The following DEPDC1B variants were observed in gnomAD, a reference collection of about 807,000 sequenced individuals.
DEPDC1B encodes DEP domain containing 1B.
In DEPDC1B, 51 loss-of-function variants were observed where a neutral mutation model predicts 66.5. The ratio of observed to expected loss-of-function variants is 0.77; its 90% confidence interval spans 0.61 to 0.97. The LOEUF (loss-of-function observed/expected upper bound fraction) is 0.97. Ranked by LOEUF, DEPDC1B falls within the 50% of genes least tolerant of loss-of-function variation. The pLI is 0.00. For synonymous variants in DEPDC1B, 226 were observed against 223.6 expected, an observed-to-expected ratio of 1.01 and a Z score of -0.10; for missense variants, 552 against 637.1, an observed-to-expected ratio of 0.87 and a Z score of 1.44.
chr5:60,645,692 AAGGT>A lies in DEPDC1B; in HGVS notation c.451-77_451-74del, dbSNP rs1490399185. The stretch of plus-strand genomic sequence containing the variant: ...AGACAGTGAATAAATATTTCAATAT[AAGGT>A]GGTGGGATTTTTATGAGAAATGTCT... On this transcript the variant is annotated intron_variant, in intron 3 of 10. Coordinates refer to ENST00000265036, the MANE Select transcript of DEPDC1B (RefSeq NM_018369.3). 1.8e-4 allele frequency: 255 copies of A among 1,451,858 alleles called. No homozygotes were observed. The East Asian group carries it at 6.0e-3, about 34-fold the overall frequency. 89.9% of individuals were successfully genotyped at this position (1,451,858 alleles called of 1,614,324 possible). A position where few individuals can be genotyped will look rare whatever the true frequency, so the allele number is the denominator to read the frequency against.
At chr5:60,680,685 G>C (rs543428661) in intron 2 of DEPDC1B, among the ~76,000 whole-genome samples, 2 of 152,110 alleles carry the variant, frequency 1.3e-5, no homozygotes, top group Non-Finnish European at 2.9e-5. Context: ...TGTTTCCCTT[G>C]CCTTCTTTAT....
chr5:60,692,414 A>G (rs536728492), intron 1 of DEPDC1B, among the ~76,000 whole-genome samples: 97 of 152,342 alleles, frequency 6.4e-4, no homozygotes, highest in African/African-American at 2.1e-3. Context: ...AAATCATAAC[A>G]TCATTTTGTA....
chr5:60,687,859 T>G (rs939484243), intron 1 of DEPDC1B: 1 of 193,644 alleles, frequency 5.2e-6, no homozygotes, highest in African/African-American at 2.4e-5. Flanking sequence ...GAAAAAAAAC[T>G]GTAAAGAAAA....
At position 60,667,991 on chromosome 5, in the gene DEPDC1B, TTATATATATAAAATGGATATTTTA is replaced by T. The variant is rs1561384542; in HGVS notation, c.314+18947_314+18970del. Reference sequence around the variant, plus strand: ...ATATTTTATATATATAAAATGGATATTATATATATAAAATGGATATTTTATATATATATAAAATGGATATTTTAT... The same window carrying T: ...ATATTTTATATATATAAAATGGATATTATATATATAAAATGGATATTTTAT... On this transcript the variant is annotated intron_variant, in intron 2 of 10. Transcript: ENST00000265036. Among the ~76,000 whole-genome samples the T allele has an allele frequency of 1.1e-3, 101 of 93,712 alleles. 7 individuals are homozygous for T. The highest frequency in any genetic ancestry group is 4.2e-3 in the African/African-American group (75 of 17,822). The allele number at this position is 93,712 out of a possible 152,430, so 61.5% of individuals were successfully genotyped here.
chr5:60,612,528 C>CAAAAAAAAAAAAAAAAAAAA (rs35196065), intron 7 of DEPDC1B, among the ~76,000 whole-genome samples: 1 of 90,236 alleles, frequency 1.1e-5, no homozygotes, highest in Non-Finnish European at 2.1e-5. Context: ...GAGATCTGCT[C>CAAAAAAAAAAAAAAAAAAAA]AAAAAAAAAA....
In DEPDC1B at chr5:60,687,014, T is replaced by C; in HGVS notation, c.262A>G (p.Ile88Val). Residue 88 changes from isoleucine (I) to valine (V), a missense_variant, in exon 2 of 11, where the codon ATC (isoleucine) becomes GTC (valine). By Grantham distance (29) the Ile-to-Val change is conservative. Transcript: ENST00000265036. ...TCTTCCTCACCCCATTTTCCCTTGA[T>C]GTCTTCAATAACGTGATTCTTCAGG... ...KFLKNHVIED[I>V]KGKWGEEDFE... The C allele has an allele frequency of 6.2e-7, 1 of 1,614,250 alleles. No individual in the cohort carries two copies. The highest frequency in any genetic ancestry group is 8.5e-7 in the Non-Finnish European group (1 of 1,180,040).
At chr5:60,610,718 A>G (rs926398811) in intron 7 of DEPDC1B, among the ~76,000 whole-genome samples, 2 of 152,240 alleles carry the variant, frequency 1.3e-5, no homozygotes, top group African/African-American at 4.8e-5. Context: ...TGTAATTCAG[A>G]AAGCCTCTGT....
chr5:60,601,457 G>A (rs1584017689), intron 9 of DEPDC1B, among the ~76,000 whole-genome samples: 1 of 152,190 alleles, frequency 6.6e-6, no homozygotes, highest in African/African-American at 2.4e-5. Flanking sequence ...AAATTGAAAT[G>A]ATCATTCTAA....
At chr5:60,667,766 G>A in intron 2 of DEPDC1B, among the ~76,000 whole-genome samples, 3 of 128,568 alleles carry the variant, frequency 2.3e-5, no homozygotes, top group Non-Finnish European at 4.7e-5. Flanking sequence ...TATAAAAAAT[G>A]GATATTTTAC....
intron 7 of DEPDC1B, among the ~76,000 whole-genome samples, chr5:60,627,575 G>A (rs1268492796): frequency 6.6e-6 from 1 of 151,880 alleles, no homozygotes; most frequent in African/African-American, 2.4e-5. Context: ...AAATGCTGAT[G>A]CTTCCTTCTT....
At chr5:60,639,399 T>C (rs961879902) in intron 6 of DEPDC1B, among the ~76,000 whole-genome samples, 5 of 152,242 alleles carry the variant, frequency 3.3e-5, no homozygotes, top group Non-Finnish European at 7.3e-5. Context: ...AAATAATTTC[T>C]GCCTCTATTT....
At chr5:60,632,836 G>A (rs1227745688) in intron 7 of DEPDC1B, among the ~76,000 whole-genome samples, 1 of 152,210 alleles carries the variant, frequency 6.6e-6, no homozygotes, top group African/African-American at 2.4e-5. Flanking sequence ...TGGCTGTGGT[G>A]GTGTTGGGGA....
intron 7 of DEPDC1B, among the ~76,000 whole-genome samples, chr5:60,634,248 A>T (rs1163944583): frequency 6.6e-6 from 1 of 152,206 alleles, no homozygotes; most frequent in Non-Finnish European, 1.5e-5. Flanking sequence ...CAAAGAACCC[A>T]CTGTCTTATC....
chr5:60,666,272 G>A (rs942879354), intron 2 of DEPDC1B, among the ~76,000 whole-genome samples: 6 of 152,166 alleles, frequency 3.9e-5, no homozygotes, highest in African/African-American at 1.2e-4. Context: ...TAGTTGCTGG[G>A]TTCCACAGTT....
chr5:60,644,879 A>C lies in DEPDC1B; in HGVS notation c.579-4T>G. 1 of 1,587,546 alleles carries C rather than the reference A, an allele frequency of 6.3e-7. No individual in the cohort carries two copies. The highest frequency in any genetic ancestry group is 1.2e-5 in the South Asian group (1 of 86,938). On this transcript the variant is annotated splice_region_variant and splice_polypyrimidine_tract_variant and intron_variant, in intron 4 of 10. Transcript: ENST00000265036. ...CAGGCCAAGAATTTTCTGTAAGCTA[A>C]AAGATAAGTAATTATATTAATTAGT...
In DEPDC1B at chr5:60,638,388, T is replaced by C. The variant is rs752997276; in HGVS notation, c.898+362A>G. On this transcript the variant is annotated intron_variant, in intron 7 of 10. Coordinates refer to ENST00000265036, the MANE Select transcript of DEPDC1B (RefSeq NM_018369.3). ...TAAATGAAAATATACCTCCCACACT[T>C]GACTATTCATGAAGTCATAGCCAGA... Among the ~76,000 whole-genome samples the C allele has an allele frequency of 1.2e-4, 18 of 152,340 alleles. 1 individual carries two copies. The highest frequency in any genetic ancestry group is 4.6e-4 in the Admixed American group (7 of 15,310).
rs528758437 is a variant in DEPDC1B, at chr5:60,699,443, G to GAAAAAAAAAAAAAAAAAAAAAAAAAAAA, written c.48+602_48+603insTTTTTTTTTTTTTTTTTTTTTTTTTTTT. On this transcript the variant is annotated intron_variant, in intron 1 of 10. Coordinates refer to ENST00000265036, the MANE Select transcript of DEPDC1B (RefSeq NM_018369.3). Reference sequence around the variant, plus strand: ...CCTCAATACCAAAGCTTTTCTCCCAGAAAAAAAAAAAAAAAAAAACAGGAA... The same window carrying GAAAAAAAAAAAAAAAAAAAAAAAAAAAA: ...CCTCAATACCAAAGCTTTTCTCCCAGAAAAAAAAAAAAAAAAAAAAAAAAAAAAAAAAAAAAAAAAAAAAAAACAGGAA... Among the ~76,000 whole-genome samples, 7 of 89,364 alleles carry GAAAAAAAAAAAAAAAAAAAAAAAAAAAA rather than the reference G, an allele frequency of 7.8e-5. 2 individuals carry two copies. The highest frequency in any genetic ancestry group is 3.8e-4 in the African/African-American group (7 of 18,190). The allele number at this position is 89,364 out of a possible 152,430, so 58.6% of individuals were successfully genotyped here.
At chr5:60,689,834 G>A (rs894414683) in intron 1 of DEPDC1B, among the ~76,000 whole-genome samples, 2 of 152,154 alleles carry the variant, frequency 1.3e-5, no homozygotes, top group African/African-American at 2.4e-5. Flanking sequence ...TTGAACCAAG[G>A]AGTTCGAGAC....
chr5:60,665,003 A>G lies in DEPDC1B; in HGVS notation c.315-17470T>C, dbSNP rs1753805305. ...GGGTCATCAGAAAGGAAAGGGAAATAGAAGGGAACCGCCAAGTGGATATTA... is the reference window on the plus strand; with the variant it reads ...GGGTCATCAGAAAGGAAAGGGAAATGGAAGGGAACCGCCAAGTGGATATTA... On this transcript the variant is annotated intron_variant, in intron 2 of 10. Coordinates refer to ENST00000265036, the MANE Select transcript of DEPDC1B (RefSeq NM_018369.3). Among the ~76,000 whole-genome samples the G allele has an allele frequency of 3.9e-5, 6 of 152,272 alleles. No individual in the cohort carries two copies. The South Asian group carries it at 1.2e-3, about 32-fold the overall frequency.
Sources: allele counts gnomAD v4.1 joint callset (sites outside exome capture counted in the v4.1 genomes callset), GRCh38; gene constraint gnomAD v4.1.1; transcripts MANE v1.5; gene names NCBI Gene and HGNC (gene_info 2026-07-23, HGNC 2026-07-21).